DOCK7: variants seen among roughly 807,000 people sequenced by gnomAD.
DOCK7 encodes the protein dedicator of cytokinesis 7.
In DOCK7, 138 loss-of-function variants were observed where a neutral mutation model predicts 271.0. The ratio of observed to expected loss-of-function variants is 0.51; its 90% confidence interval spans 0.44 to 0.59. DOCK7 has a LOEUF of 0.59. Among genes scored for constraint, DOCK7 ranks in the 20% least tolerant of loss-of-function variants. The pLI is 0.00. For synonymous variants in DOCK7, 823 were observed against 876.1 expected (o/e 0.94, Z 1.07); for missense variants, 2,066 against 2,592.4 (o/e 0.80, Z 4.41).
chr1:62,495,625 C>A lies in DOCK7; in HGVS notation c.4980G>T (p.Lys1660Asn). The A allele has an allele frequency of 6.3e-7, 1 of 1,589,228 alleles. No homozygotes were observed. The highest frequency in any genetic ancestry group is 8.5e-7 in the Non-Finnish European group (1 of 1,173,958). The stretch of plus-strand genomic sequence containing the variant: ...ACATTTCAGGATCCTCCTGGTGTTC[C>A]TTCATTTTCACAGTATCAGAAAGAA... ...HMILSDTVKM[K>N]EHQEDPEMLI... is the part of the protein sequence containing the mutation. The change falls in exon 39 of 50, where the codon AAG becomes AAT. Residue 1660 changes from lysine to asparagine, a missense_variant. This residue lies in a region of DOCK7 where 652 missense variants were observed against 922.1 expected (regional missense o/e 0.71). Coordinates refer to ENST00000635253, the MANE Select transcript of DOCK7 (RefSeq NM_001367561.1).
intron 1 of DOCK7, among the ~76,000 whole-genome samples, chr1:62,686,157 CTTTTTTTTTTTT>C (rs1161312915): frequency 0.056 from 235 of 4,210 alleles, 106 homozygotes; most frequent in Admixed American, 0.16. Flanking sequence ...CAAGTAATAA[CTTTTTTTTTTTT>C]TTTTTTTTTT....
Position 62,485,803 on chromosome 1 carries a change from C to CGGAT in DOCK7, c.5508+1594_5508+1595insATCC, listed in dbSNP as rs974793369. 1.8e-5 allele frequency: 13 copies of CGGAT among 709,996 alleles called. No individual in the cohort carries two copies. In the African/African-American group the frequency reaches 2.3e-4, roughly 13 times the overall value. The allele number at this position is 709,996 out of a possible 1,614,324, so 44.0% of individuals were successfully genotyped here. A position where few individuals can be genotyped will look rare whatever the true frequency, so the allele number is the denominator to read the frequency against. ...AACACATTTTTTAAATGCAGGCATC[C>CGGAT]ATTTAAGTTTTACAAAGGAAAAGCA... is the stretch of plus-strand genomic sequence containing the variant. On this transcript the variant is annotated intron_variant, in intron 43 of 49. Transcript: ENST00000635253.
At chr1:62,499,912 C>T (rs1646731237) in intron 37 of DOCK7, among the ~76,000 whole-genome samples, 1 of 142,220 alleles carries the variant, frequency 7.0e-6, no homozygotes, top group East Asian at 2.1e-4. Flanking sequence ...ACAAGAAACC[C>T]ATCTTGAAGT....
At chr1:62,566,600 A>G (rs1646524774) in intron 18 of DOCK7, among the ~76,000 whole-genome samples, 1 of 152,212 alleles carries the variant, frequency 6.6e-6, no homozygotes, top group African/African-American at 2.4e-5. Context: ...ATCCTAGAAG[A>G]AAACCTAGGC....
chr1:62,462,644 A>C (rs1645563875), intron 48 of DOCK7, among the ~76,000 whole-genome samples: 1 of 152,248 alleles, frequency 6.6e-6, no homozygotes, highest in South Asian at 2.1e-4. Context: ...GTAAGGGGAA[A>C]AAAAACCTAA....
At chr1:62,573,234 G>A (rs1307055735) in intron 18 of DOCK7, among the ~76,000 whole-genome samples, 1 of 152,174 alleles carries the variant, frequency 6.6e-6, no homozygotes, top group African/African-American at 2.4e-5. Context: ...AATTCAAAGG[G>A]CTGGAGGCAG....
chr1:62,640,845 C>G (rs895738625), intron 7 of DOCK7, among the ~76,000 whole-genome samples: 7 of 152,206 alleles, frequency 4.6e-5, no homozygotes, highest in Non-Finnish European at 5.9e-5. Flanking sequence ...CTACTGAAAC[C>G]AAAGTAGCTG....
intron 1 of DOCK7, among the ~76,000 whole-genome samples, chr1:62,667,560 C>A (rs1397160240): frequency 1.3e-5 from 2 of 152,060 alleles, no homozygotes; most frequent in Non-Finnish European, 2.9e-5. Context: ...ACTAAAAATA[C>A]AAAAATTAGC....
At chr1:62,522,066 A>T (rs1481862608) in intron 31 of DOCK7, among the ~76,000 whole-genome samples, 2 of 152,250 alleles carry the variant, frequency 1.3e-5, no homozygotes, top group African/African-American at 4.8e-5. Flanking sequence ...ATAATAAATT[A>T]TAACAGTAAT....
In DOCK7 at chr1:62,529,592, C is replaced by T. The variant is rs12039115; in HGVS notation, c.3612-146G>A. 0.12 allele frequency: 57,079 copies of T among 467,802 alleles called. 3,850 individuals carry two copies. Among genetic ancestry groups the T allele is most frequent in the South Asian group, 0.23 (3,366 of 14,430 alleles). The allele number at this position is 467,802 out of a possible 1,614,324, so 29.0% of individuals were successfully genotyped here. ...TCATATATTTGCATGCATTCCATTC[C>T]TATAAAACATTTCTCATTTTAAAAT... On this transcript the variant is annotated intron_variant, in intron 29 of 49. Coordinates refer to ENST00000635253, the MANE Select transcript of DOCK7 (RefSeq NM_001367561.1).
At chr1:62,565,005 G>A (rs978312325) in intron 18 of DOCK7, among the ~76,000 whole-genome samples, 24 of 152,266 alleles carry the variant, frequency 1.6e-4, no homozygotes, top group African/African-American at 5.3e-4. Context: ...CCAGGAAGAA[G>A]TCGAATCCCT....
chr1:62,503,173 A>G (rs1464291698), intron 37 of DOCK7, among the ~76,000 whole-genome samples: 1 of 152,174 alleles, frequency 6.6e-6, no homozygotes, highest in Non-Finnish European at 1.5e-5. Context: ...ACACAGTAAT[A>G]GGCTTTAATT....
intron 21 of DOCK7, among the ~76,000 whole-genome samples, chr1:62,553,350 ATATATTTTTTTTTTTTTTTTTT>A (rs1237555263): frequency 0.032 from 480 of 14,778 alleles, 4 homozygotes; most frequent in East Asian, 0.099. Context: ...ATATATATAT[ATATATTTTTTTTTTTTTTTTTT>A]TTTTTTTTTT....
At chr1:62,557,072 T>C (rs1646168676) in intron 20 of DOCK7, among the ~76,000 whole-genome samples, 1 of 150,994 alleles carries the variant, frequency 6.6e-6, no homozygotes, top group Non-Finnish European at 1.5e-5. Context: ...TTTCTTTTTT[T>C]TTTTTTTTTA....
rs1653107875 is a variant in DOCK7 at position 62,620,828 on chromosome 1, G to A, written c.1426-835C>T. On this transcript the variant is annotated intron_variant, in intron 12 of 49. Transcript: ENST00000635253. Reference sequence around the variant, plus strand: ...GAACTCGGGAGGCGGAGCTTGCAGTGAGCTGAGTTCGCACCACTGCACTCC... The same window carrying A: ...GAACTCGGGAGGCGGAGCTTGCAGTAAGCTGAGTTCGCACCACTGCACTCC... 1.4e-5 allele frequency among the ~76,000 whole-genome samples: 2 copies of A among 141,410 alleles called. 1 individual carries two copies. The highest frequency in any genetic ancestry group is 4.5e-4 in the South Asian group (2 of 4,424). 92.8% of individuals were successfully genotyped at this position (141,410 alleles called of 152,430 possible).
intron 25 of DOCK7, among the ~76,000 whole-genome samples, chr1:62,541,918 A>T (rs1329092415): frequency 1.3e-5 from 2 of 152,186 alleles, no homozygotes; most frequent in African/African-American, 4.8e-5. Context: ...TCTGTTATCC[A>T]TGCGGAGTGC....
At chr1:62,577,409 T>C in intron 17 of DOCK7, 46 bp from the exon 18 acceptor site, 2 of 1,436,306 alleles carry the variant, frequency 1.4e-6, no homozygotes, top group Non-Finnish European at 1.9e-6. Context: ...ATGCTTGCTA[T>C]AAAAATAATT....
chr1:62,512,870 G>A (rs937597356), intron 33 of DOCK7, among the ~76,000 whole-genome samples: 1 of 151,528 alleles, frequency 6.6e-6, no homozygotes, highest in African/African-American at 2.4e-5. Flanking sequence ...ACAATCACAC[G>A]ACTGCACTCC....
In DOCK7 at chr1:62,653,520, T is replaced by C. The variant is rs573290482; in HGVS notation, c.389+205A>G. Among the ~76,000 whole-genome samples, 15 of 152,324 alleles carry C rather than the reference T, an allele frequency of 9.8e-5. No individual in the cohort carries two copies. The South Asian group carries it at 2.3e-3, about 23-fold the overall frequency. On this transcript the variant is annotated intron_variant, in intron 4 of 49. Transcript: ENST00000635253. The stretch of plus-strand genomic sequence containing the variant: ...TTATAATAATACAGAAATACTATTT[T>C]CCCATGAATTATATTTTACAAAGAA...
Sources: allele counts gnomAD v4.1 joint callset (sites outside exome capture counted in the v4.1 genomes callset), GRCh38; gene constraint gnomAD v4.1.1; regional missense constraint gnomAD v4.1.1; transcripts MANE v1.5; gene names NCBI Gene and HGNC (gene_info 2026-07-23, HGNC 2026-07-21).